BRINP1: variants seen among roughly 807,000 people sequenced by gnomAD.
BRINP1 encodes BMP/retinoic acid inducible neural specific 1, also known as BMP/retinoic acid-inducible neural-specific protein 1.
A neutral mutation model predicts 72.9 loss-of-function variants in BRINP1; 17 were observed. The observed-to-expected ratio is 0.23, with a 90% confidence interval of 0.16 to 0.35. BRINP1 has a LOEUF of 0.35. BRINP1 is among the 10% of genes least tolerant of loss of function. The pLI is 1.00. For synonymous variants in BRINP1, 418 were observed against 378.5 expected (o/e 1.10, Z -1.21); for missense variants, 850 against 1,001.6 (o/e 0.85, Z 2.04).
intron 7 of BRINP1, among the ~76,000 whole-genome samples, chr9:119,190,412 TAAAA>T (rs200553535): frequency 4.6e-5 from 6 of 131,568 alleles, no homozygotes; most frequent in Non-Finnish European, 8.1e-5. Context: ...CTAGCTAGAC[TAAAA>T]AAAAAAAAAA....
chr9:119,214,141 A>C lies in BRINP1; in HGVS notation c.700T>G (p.Phe234Val), dbSNP rs1343688056. 1 of 1,613,152 alleles carries C rather than the reference A, an allele frequency of 6.2e-7. No individual in the cohort carries two copies. The highest frequency in any genetic ancestry group is 1.7e-5 in the Admixed American group (1 of 60,028). ...KLHLQGLQII[F>V]PQYLQEKFVQ... ...AACTTCTCTTGCAGATACTGAGGAA[A>C]GATTATCTGAAGACCTGTGTGAGAA... The change falls in exon 6 of 8, where the codon TTT becomes GTT. Residue 234 changes from phenylalanine (F) to valine (V), a missense_variant. Coordinates refer to ENST00000265922, the MANE Select transcript of BRINP1 (RefSeq NM_014618.3).
chr9:119,201,477 T>C (rs1030420174), intron 7 of BRINP1, among the ~76,000 whole-genome samples: 2 of 152,218 alleles, frequency 1.3e-5, no homozygotes, highest in Admixed American at 1.3e-4. Context: ...TGTTCTTGAA[T>C]GAATTTTAAT....
Position 119,168,231 on chromosome 9 carries a change from G to C in BRINP1, c.1146-7C>G. Reference sequence around the variant, plus strand: ...AAGCCACTGCTGAATTGTCCTGGGAGATAAAGGAAAATTGGAGAAGGTTAG... The same window carrying C: ...AAGCCACTGCTGAATTGTCCTGGGACATAAAGGAAAATTGGAGAAGGTTAG... On this transcript the variant is annotated splice_region_variant and splice_polypyrimidine_tract_variant and intron_variant, in intron 7 of 7. Coordinates refer to ENST00000265922, the MANE Select transcript of BRINP1 (RefSeq NM_014618.3). The C allele has an allele frequency of 6.7e-7, 1 of 1,494,738 alleles. No homozygotes were observed. Among genetic ancestry groups the C allele is most frequent in the East Asian group, 2.3e-5 (1 of 43,524 alleles). The allele number at this position is 1,494,738 out of a possible 1,614,324, so 92.6% of individuals were successfully genotyped here. A position where few individuals can be genotyped will look rare whatever the true frequency, so the allele number is the denominator to read the frequency against.
At chr9:119,363,566 T>G (rs113002868) in intron 1 of BRINP1, among the ~76,000 whole-genome samples, 90 of 152,360 alleles carry the variant, frequency 5.9e-4, no homozygotes, top group African/African-American at 2.1e-3. Context: ...TCTACCACAT[T>G]ACCACGACTA....
chr9:119,283,848 TAACAC>T (rs1830735458), intron 2 of BRINP1, among the ~76,000 whole-genome samples: 1 of 152,162 alleles, frequency 6.6e-6, no homozygotes, highest in Non-Finnish European at 1.5e-5. Flanking sequence ...TCAGATCTCT[TAACAC>T]AAGTACCATA....
intron 7 of BRINP1, among the ~76,000 whole-genome samples, chr9:119,197,599 T>C (rs770834005): frequency 6.6e-6 from 1 of 152,222 alleles, no homozygotes; most frequent in African/African-American, 2.4e-5. Context: ...GTTCTCATAA[T>C]TGACCTCCAT....
At chr9:119,264,741 G>A (rs552303371) in intron 2 of BRINP1, among the ~76,000 whole-genome samples, 1 of 152,282 alleles carries the variant, frequency 6.6e-6, no homozygotes, top group South Asian at 2.1e-4. Flanking sequence ...CTCCATCTCA[G>A]CTCACTGCAA....
chr9:119,199,016 T>C (rs1358356909), intron 7 of BRINP1, among the ~76,000 whole-genome samples: 2 of 152,164 alleles, frequency 1.3e-5, no homozygotes, highest in African/African-American at 2.4e-5. Context: ...TTACAAGTTA[T>C]GAAGAATTTT....
intron 1 of BRINP1, among the ~76,000 whole-genome samples, chr9:119,324,520 T>C (rs1366210840): frequency 6.6e-6 from 1 of 152,050 alleles, no homozygotes; most frequent in East Asian, 1.9e-4. Context: ...AACAAGAAAA[T>C]GGTGAAGGGC....
chr9:119,323,522 A>G (rs1831210852), intron 1 of BRINP1, among the ~76,000 whole-genome samples: 1 of 152,214 alleles, frequency 6.6e-6, no homozygotes, highest in Admixed American at 6.5e-5. Flanking sequence ...CAAGGGTCCA[A>G]AGGATAAGTG....
intron 2 of BRINP1, among the ~76,000 whole-genome samples, chr9:119,299,670 C>T (rs4837631): frequency 0.47 from 71,409 of 151,336 alleles, 17,396 homozygotes; most frequent in African/African-American, 0.58. Context: ...GTGCCTGGTT[C>T]ATTTCACTTA....
At chr9:119,240,199 C>T (rs1368356375) in intron 4 of BRINP1, among the ~76,000 whole-genome samples, 1 of 152,042 alleles carries the variant, frequency 6.6e-6, no homozygotes. Context: ...AAACCGGGAA[C>T]TGGAGGTTGC....
At chr9:119,263,055 C>T (rs117726876) in intron 2 of BRINP1, among the ~76,000 whole-genome samples, 8 of 152,060 alleles carry the variant, frequency 5.3e-5, no homozygotes, top group Non-Finnish European at 8.8e-5. Flanking sequence ...CAGGGGATAG[C>T]GATGAACGCA....
chr9:119,279,976 G>A (rs1016912519), intron 2 of BRINP1, among the ~76,000 whole-genome samples: 1 of 151,766 alleles, frequency 6.6e-6, no homozygotes, highest in Non-Finnish European at 1.5e-5. Flanking sequence ...TACCTCAAAA[G>A]AAGAAAAATG....
rs183786163 is a variant in BRINP1, at chr9:119,208,600, C to T, written c.1145+119G>A. The T allele has an allele frequency of 1.2e-4, 121 of 979,052 alleles. No homozygotes were observed. In the East Asian group the frequency reaches 1.5e-3, roughly 12 times the overall value. The allele number at this position is 979,052 out of a possible 1,614,324, so 60.6% of individuals were successfully genotyped here. On this transcript the variant is annotated intron_variant, in intron 7 of 7. Coordinates refer to ENST00000265922, the MANE Select transcript of BRINP1 (RefSeq NM_014618.3). ...CAGAAAATTGTTGGTCTGGACCATG[C>T]GAGGTCCTGTTTGCCACCCCACAAA... is the stretch of plus-strand genomic sequence containing the variant.
At chr9:119,197,077 G>T (rs1829746106) in intron 7 of BRINP1, among the ~76,000 whole-genome samples, 1 of 152,200 alleles carries the variant, frequency 6.6e-6, no homozygotes, top group South Asian at 2.1e-4. Context: ...TGAATTTGTG[G>T]TCAAGTAGGG....
intron 4 of BRINP1, among the ~76,000 whole-genome samples, chr9:119,239,721 A>G (rs1175174859): frequency 6.6e-6 from 1 of 152,212 alleles, no homozygotes; most frequent in Non-Finnish European, 1.5e-5. Context: ...TAATGCTATT[A>G]GTCACCAAAA....
At chr9:119,216,326 G>C (rs1394308846) in intron 5 of BRINP1, among the ~76,000 whole-genome samples, 5 of 152,202 alleles carry the variant, frequency 3.3e-5, no homozygotes, top group Non-Finnish European at 5.9e-5. Flanking sequence ...GATTCTAGCA[G>C]ATTAAGCTAT....
intron 7 of BRINP1, among the ~76,000 whole-genome samples, chr9:119,190,740 C>T (rs968644609): frequency 3.3e-5 from 5 of 151,912 alleles, no homozygotes; most frequent in African/African-American, 1.2e-4. Context: ...ATAATTGTTA[C>T]CAATACTTCT....
Sources: gnomAD v4.1 joint callset for allele counts (sites outside exome capture counted in the v4.1 genomes callset) on GRCh38, gnomAD v4.1.1 for gene constraint, MANE v1.5 for transcripts, NCBI Gene and HGNC (gene_info 2026-07-23, HGNC 2026-07-21) for gene names.